COMMD10: variants seen among roughly 807,000 people sequenced by gnomAD.
The protein encoded by COMMD10 is COMM domain-containing protein 10.
In COMMD10, 33 loss-of-function variants were observed where a neutral mutation model predicts 28.9. The observed-to-expected ratio is 1.14, with a 90% confidence interval of 0.87 to 1.53. The LOEUF is 1.53. Among genes scored for constraint, COMMD10 ranks in the 40% most tolerant of loss-of-function variants. The pLI is 0.00. For missense variants in COMMD10, 310 were observed against 233.4 expected (o/e 1.33, Z -2.14); for synonymous variants, 110 against 81.7 (o/e 1.35, Z -1.87).
At chr5:116,146,426 G>T (rs1041628458) in intron 5 of COMMD10, among the ~76,000 whole-genome samples, 1 of 151,704 alleles carries the variant, frequency 6.6e-6, no homozygotes, top group Non-Finnish European at 1.5e-5. Flanking sequence ...GAACATCAGT[G>T]GTGATTTTTG....
chr5:116,112,917 A>G (rs1580454649), intron 4 of COMMD10, among the ~76,000 whole-genome samples: 1 of 151,904 alleles, frequency 6.6e-6, no homozygotes, highest in Admixed American at 6.6e-5. Flanking sequence ...TTACTAGTGT[A>G]TTTTATATTT....
chr5:116,212,559 G>T (rs999623352), intron 5 of COMMD10, among the ~76,000 whole-genome samples: 4 of 145,254 alleles, frequency 2.8e-5, no homozygotes, highest in Admixed American at 2.1e-4. Flanking sequence ...TCATGTGGGT[G>T]TAAAGTGAAG....
At chr5:116,128,586 G>A (rs939443706) in intron 4 of COMMD10, among the ~76,000 whole-genome samples, 1 of 151,844 alleles carries the variant, frequency 6.6e-6, no homozygotes, top group Non-Finnish European at 1.5e-5. Flanking sequence ...TAAAATATTG[G>A]TGATTGTCTT....
rs189740501 is a variant in COMMD10, at chr5:116,222,166, T to C, written c.511-69351T>C. On this transcript the variant is annotated intron_variant, in intron 5 of 6. Transcript: ENST00000274458. Reference sequence around the variant, plus strand: ...ATAATTGAGATGAAATTGTAACTTCTTACTCTCTTCAGTGATAGTCAAATC... The same window carrying C: ...ATAATTGAGATGAAATTGTAACTTCCTACTCTCTTCAGTGATAGTCAAATC... Among the ~76,000 whole-genome samples, 391 of 152,328 alleles carry C rather than the reference T, an allele frequency of 2.6e-3. 1 individual carries two copies. The highest frequency in any genetic ancestry group is 4.4e-3 in the Non-Finnish European group (300 of 68,024).
At chr5:116,126,144 A>G (rs1751629640) in intron 4 of COMMD10, among the ~76,000 whole-genome samples, 1 of 152,032 alleles carries the variant, frequency 6.6e-6, no homozygotes, top group Non-Finnish European at 1.5e-5. Context: ...ACAAACAGAG[A>G]TCCAAATGAC....
intron 5 of COMMD10, among the ~76,000 whole-genome samples, 154 bp from the exon 6 acceptor site, chr5:116,291,363 T>G (rs1751355291): frequency 6.6e-6 from 1 of 152,160 alleles, no homozygotes; most frequent in Non-Finnish European, 1.5e-5. Context: ...CATTTTTGAG[T>G]TCTAGGAATC....
At chr5:116,090,119 G>A in intron 2 of COMMD10, among the ~76,000 whole-genome samples, 1 of 117,326 alleles carries the variant, frequency 8.5e-6, no homozygotes, top group East Asian at 2.2e-4. Flanking sequence ...CTGGTTCCTT[G>A]GAATCCCAAG....
chr5:116,249,746 A>G (rs1042600074), intron 5 of COMMD10, among the ~76,000 whole-genome samples: 2 of 151,956 alleles, frequency 1.3e-5, no homozygotes, highest in Admixed American at 6.6e-5. Flanking sequence ...AGAGTGTGTA[A>G]TGTAGTACAG....
chr5:116,120,517 T>C (rs559015092), intron 4 of COMMD10, among the ~76,000 whole-genome samples: 197 of 152,196 alleles, frequency 1.3e-3, no homozygotes, highest in African/African-American at 4.7e-3. Flanking sequence ...TAAAAAAAAT[T>C]TTTTTTAAAG....
intron 4 of COMMD10, among the ~76,000 whole-genome samples, chr5:116,119,661 G>A (rs1039731795): frequency 1.2e-4 from 18 of 152,110 alleles, no homozygotes; most frequent in African/African-American, 4.3e-4. Context: ...GAAGTGTGCA[G>A]TGGCTTGTGG....
intron 4 of COMMD10, among the ~76,000 whole-genome samples, chr5:116,093,414 A>T (rs1333831252): frequency 6.6e-6 from 1 of 152,210 alleles, no homozygotes; most frequent in Non-Finnish European, 1.5e-5. Flanking sequence ...AGAAGCCTGG[A>T]GAGGCTCCTC....
chr5:116,278,145 A>G (rs1580606759), intron 5 of COMMD10, among the ~76,000 whole-genome samples: 1 of 151,814 alleles, frequency 6.6e-6, no homozygotes, highest in Non-Finnish European at 1.5e-5. Flanking sequence ...TATCCTTAGA[A>G]TAAATTATAA....
intron 4 of COMMD10, among the ~76,000 whole-genome samples, chr5:116,133,808 G>T (rs896590473): frequency 9.9e-5 from 15 of 151,830 alleles, no homozygotes; most frequent in Non-Finnish European, 1.5e-5. Flanking sequence ...TCATTGCTTG[G>T]TATTAGAATT....
At chr5:116,192,835 A>G (rs1018295797) in intron 5 of COMMD10, among the ~76,000 whole-genome samples, 9 of 152,216 alleles carry the variant, frequency 5.9e-5, no homozygotes, top group African/African-American at 2.2e-4. Context: ...AATTTATCAC[A>G]AAGAGATCAT....
chr5:116,173,783 C>T (rs1465577775), intron 5 of COMMD10, among the ~76,000 whole-genome samples: 1 of 151,502 alleles, frequency 6.6e-6, no homozygotes, highest in Non-Finnish European at 1.5e-5. Context: ...TTGGGTATCA[C>T]CTTCCTTGTT....
intron 5 of COMMD10, among the ~76,000 whole-genome samples, chr5:116,177,788 T>C (rs2112591476): frequency 6.6e-6 from 1 of 152,304 alleles, no homozygotes; most frequent in Non-Finnish European, 1.5e-5. Context: ...CAGTACTAAG[T>C]GGCCATTTCA....
At chr5:116,251,840 C>A (rs1750128272) in intron 5 of COMMD10, among the ~76,000 whole-genome samples, 1 of 152,096 alleles carries the variant, frequency 6.6e-6, no homozygotes, top group Non-Finnish European at 1.5e-5. Flanking sequence ...CATGGTATTT[C>A]TAGTTCTAGA....
chr5:116,242,207 A>C (rs1333016192), intron 5 of COMMD10, among the ~76,000 whole-genome samples: 4 of 152,250 alleles, frequency 2.6e-5, no homozygotes, highest in Non-Finnish European at 5.9e-5. Flanking sequence ...ATAATTGTAC[A>C]GTAAGATTTA....
At chr5:116,243,120 C>A (rs559569946) in intron 5 of COMMD10, among the ~76,000 whole-genome samples, 115 of 152,230 alleles carry the variant, frequency 7.6e-4, no homozygotes, top group African/African-American at 2.6e-3. Context: ...AACAAATAGA[C>A]AACTTGTCAT....
Sources: gnomAD v4.1 joint callset for allele counts (sites outside exome capture counted in the v4.1 genomes callset) on GRCh38, gnomAD v4.1.1 for gene constraint, MANE v1.5 for transcripts, NCBI Gene and HGNC (gene_info 2026-07-23, HGNC 2026-07-21) for gene names.